Variants in PCDHB15 observed in about 807,000 individuals in gnomAD.
PCDHB15 encodes protocadherin beta-15.
For missense variants in PCDHB15, 1,032 were observed against 991.7 expected (o/e 1.04, Z -0.55); for synonymous variants, 492 against 447.9 (o/e 1.10, Z -1.24).
In PCDHB15 at chr5:141,248,239, C is replaced by T. The variant is rs955317975; in HGVS notation, c.*297C>T. Reference sequence around the variant, plus strand: ...AACATAACTCTAATTCTGAAATTACCTTTCACACTATATGACACTACATAA... The same window carrying T: ...AACATAACTCTAATTCTGAAATTACTTTTCACACTATATGACACTACATAA... On this transcript the variant is annotated 3_prime_UTR_variant, in exon 1 of 1. Transcript: ENST00000231173. The T allele has an allele frequency of 5.4e-5, 12 of 220,272 alleles. No homozygotes were observed. The highest frequency in any genetic ancestry group is 1.1e-4 in the Non-Finnish European group (11 of 103,494). 13.6% of individuals were successfully genotyped at this position (220,272 alleles called of 1,614,324 possible). A position where few individuals can be genotyped will look rare whatever the true frequency, so the allele number is the denominator to read the frequency against.
At position 141,247,983 on chromosome 5, in the gene PCDHB15, C is replaced by G. The variant is rs1416650172; in HGVS notation, c.*41C>G. 6.6e-7 allele frequency: 1 copy of G among 1,519,092 alleles called. No individual in the cohort carries two copies. The highest frequency in any genetic ancestry group is 1.4e-5 in the African/African-American group (1 of 71,628). 94.1% of individuals were successfully genotyped at this position (1,519,092 alleles called of 1,614,324 possible). ...CTTTCCGACCGTCTGTTAATTTTGT[C>G]TTCCTCACTTTTCACCTTAGTTTTT... On this transcript the variant is annotated 3_prime_UTR_variant, in exon 1 of 1. Coordinates refer to ENST00000231173, the MANE Select transcript of PCDHB15 (RefSeq NM_018935.4).
Position 141,247,896 on chromosome 5 carries a change from A to C in PCDHB15, c.2318A>C (p.Asn773Thr). 1.2e-6 allele frequency: 2 copies of C among 1,613,892 alleles called. No individual in the cohort carries two copies. The highest frequency in any genetic ancestry group is 1.7e-6 in the Non-Finnish European group (2 of 1,179,854). The change falls in exon 1 of 1, where the codon AAT becomes ACT. Residue 773 changes from asparagine to threonine, a missense_variant. Transcript: ENST00000231173. ...DFKFLKPIFPNIVSQDSRRKS... is the reference protein window; with the variant it reads ...DFKFLKPIFPTIVSQDSRRKS... ...AAGTTCTTGAAGCCTATATTCCCAA[A>C]TATTGTAAGCCAGGACTCTAGGAGG...
Position 141,247,718 on chromosome 5 carries a change from T to C in PCDHB15, c.2140T>C (p.Cys714Arg), listed in dbSNP as rs782704686. Residue 714 changes from cysteine to arginine, a missense_variant, in exon 1 of 1, where the codon TGC (cysteine) becomes CGC (arginine). Transcript: ENST00000231173. ...SVFLFVAVRL[C>R]RRSRAASVGR... ...GTTCCTGTTCGTGGCAGTGCGGCTGTGCAGGAGGAGCAGGGCGGCCTCAGT... is the reference window on the plus strand; with the variant it reads ...GTTCCTGTTCGTGGCAGTGCGGCTGCGCAGGAGGAGCAGGGCGGCCTCAGT... 1 of 1,613,472 alleles carries C rather than the reference T, an allele frequency of 6.2e-7. No homozygotes were observed. Among genetic ancestry groups the C allele is most frequent in the Admixed American group, 1.7e-5 (1 of 60,022 alleles).
Position 141,247,172 on chromosome 5 carries a change from G to C in PCDHB15, c.1594G>C (p.Gly532Arg). The C allele has an allele frequency of 6.2e-7, 1 of 1,613,384 alleles. No individual in the cohort carries two copies. The highest frequency in any genetic ancestry group is 8.5e-7 in the Non-Finnish European group (1 of 1,179,826). Residue 532 changes from glycine to arginine, a missense_variant, in exon 1 of 1, where the codon GGC becomes CGC. By Grantham distance (125) the Gly-to-Arg change is moderately radical (BLOSUM62 -2). Transcript: ENST00000231173. Reference protein sequence around the residue: ...EALQAFEFRVGATDRGFPALS... With the variant: ...EALQAFEFRVRATDRGFPALS... ...CCTGCAGGCTTTCGAGTTCCGCGTG[G>C]GCGCCACAGACCGCGGCTTCCCGGC...
chr5:141,246,211 C>A lies in PCDHB15; in HGVS notation c.633C>A (p.Thr211=). The A allele has an allele frequency of 6.2e-7, 1 of 1,614,224 alleles. No individual in the cohort carries two copies. Among genetic ancestry groups the A allele is most frequent in the Middle Eastern group, 1.6e-4 (1 of 6,062 alleles). Reference sequence around the variant, plus strand: ...AGGAGCAGGCCGAGCTCAGATTAACCTTGACAGCGGTGGACGGTGGCTCTC... The same window carrying A: ...AGGAGCAGGCCGAGCTCAGATTAACATTGACAGCGGTGGACGGTGGCTCTC... ...DREEQAELRL[T]LTAVDGGSPP... The change falls in exon 1 of 1, where the codon ACC becomes ACA. Residue 211 remains threonine (T), a synonymous_variant. Transcript: ENST00000231173.
Position 141,247,108 on chromosome 5 carries a change from C to G in PCDHB15, c.1530C>G (p.Asn510Lys). ...LTSLVSINTDNGHLFALQSLD... is the reference protein window; with the variant it reads ...LTSLVSINTDKGHLFALQSLD... ...CCCTGGTCTCCATTAACACGGACAACGGCCACCTGTTCGCTCTCCAGTCGC... is the reference window on the plus strand; with the variant it reads ...CCCTGGTCTCCATTAACACGGACAAGGGCCACCTGTTCGCTCTCCAGTCGC... The change falls in exon 1 of 1, where the codon AAC (asparagine) becomes AAG (lysine). Residue 510 changes from asparagine (N) to lysine (K), a missense_variant. Coordinates refer to ENST00000231173, the MANE Select transcript of PCDHB15 (RefSeq NM_018935.4). 6.2e-7 allele frequency: 1 copy of G among 1,614,026 alleles called. No homozygotes were observed. The highest frequency in any genetic ancestry group is 8.5e-7 in the Non-Finnish European group (1 of 1,179,970).
chr5:141,245,796 A>G lies in PCDHB15; in HGVS notation c.218A>G (p.Gln73Arg). 2.5e-6 allele frequency: 4 copies of G among 1,614,226 alleles called. No individual in the cohort carries two copies. Among genetic ancestry groups the G allele is most frequent in the Non-Finnish European group, 3.4e-6 (4 of 1,180,050 alleles). Reference sequence around the variant, plus strand: ...CGGGTAGTTTCTGAGGATAACGAACAAGGCTTGCAGCTTGATCTGCAGACC... The same window carrying G: ...CGGGTAGTTTCTGAGGATAACGAACGAGGCTTGCAGCTTGATCTGCAGACC... Reference protein sequence around the residue: ...GARVVSEDNEQGLQLDLQTGQ... With the variant: ...GARVVSEDNERGLQLDLQTGQ... Residue 73 changes from glutamine (Q) to arginine (R), a missense_variant, in exon 1 of 1, where the codon CAA becomes CGA. By Grantham distance (43) the Gln-to-Arg change is conservative. Coordinates refer to ENST00000231173, the MANE Select transcript of PCDHB15 (RefSeq NM_018935.4).
chr5:141,247,790 G>T lies in PCDHB15; in HGVS notation c.2212G>T (p.Asp738Tyr). 2 of 1,614,234 alleles carry T rather than the reference G, an allele frequency of 1.2e-6. No homozygotes were observed. Among genetic ancestry groups the T allele is most frequent in the Non-Finnish European group, 1.7e-6 (2 of 1,180,046 alleles). Residue 738 changes from aspartate to tyrosine, a missense_variant, in exon 1 of 1, where the codon GAC becomes TAC. Physicochemically the swap from Asp to Tyr is radical, Grantham distance 160 (BLOSUM62 -3). Transcript: ENST00000231173. ...PEGPFPGHLV[D>Y]VSGTGTLSQS... ...GGGCCCCTTTCCAGGGCATCTGGTGGACGTGAGCGGCACCGGGACCCTTTC... is the reference window on the plus strand; with the variant it reads ...GGGCCCCTTTCCAGGGCATCTGGTGTACGTGAGCGGCACCGGGACCCTTTC...
In PCDHB15 at chr5:141,246,086, T is replaced by G; in HGVS notation, c.508T>G (p.Tyr170Asp). The change falls in exon 1 of 1, where the codon TAC (tyrosine) becomes GAC (aspartate). Residue 170 changes from tyrosine (Y) to aspartate (D), a missense_variant. Transcript: ENST00000231173. ...CGTGGGCAGCAATAATGTTCAAAAC[T>G]ACAATATTTCTCCCAATTCTCATTT... Reference protein sequence around the residue: ...LDVGSNNVQNYNISPNSHFHV... With the variant: ...LDVGSNNVQNDNISPNSHFHV... 2 of 1,614,112 alleles carry G rather than the reference T, an allele frequency of 1.2e-6. No homozygotes were observed. Among genetic ancestry groups the G allele is most frequent in the Middle Eastern group, 1.7e-4 (1 of 6,060 alleles).
Position 141,247,360 on chromosome 5 carries a change from C to T in PCDHB15, c.1782C>T (p.Gly594=), listed in dbSNP as rs113508999. ...TGACCAAGGTGGTGGCGGTGGACGGCGACTCGGGCCAGAACGCCTGGCTGT... is the reference window on the plus strand; with the variant it reads ...TGACCAAGGTGGTGGCGGTGGACGGTGACTCGGGCCAGAACGCCTGGCTGT... ...YLVTKVVAVD[G]DSGQNAWLSY... Residue 594 remains glycine (G), a synonymous_variant, in exon 1 of 1, where the codon GGC becomes GGT. Coordinates refer to ENST00000231173, the MANE Select transcript of PCDHB15 (RefSeq NM_018935.4). 65 of 1,605,224 alleles carry T rather than the reference C, an allele frequency of 4.0e-5. No individual in the cohort carries two copies. The highest frequency in any genetic ancestry group is 1.7e-4 in the African/African-American group (13 of 74,894).
rs887168801 is a variant in PCDHB15 at position 141,246,444 on chromosome 5, A to C, written c.866A>C (p.Asp289Ala). Residue 289 changes from aspartate to alanine, a missense_variant, in exon 1 of 1, where the codon GAC (aspartate) becomes GCC (alanine). Physicochemically the swap from Asp to Ala is moderately radical, Grantham distance 126. Transcript: ENST00000231173. The part of the protein sequence containing the change: ...YSLYYSSQEI[D>A]KPFELSSLSG... Reference sequence around the variant, plus strand: ...CTTTATTACAGCTCTCAGGAGATAGACAAACCTTTTGAGCTAAGCAGCCTT... The same window carrying C: ...CTTTATTACAGCTCTCAGGAGATAGCCAAACCTTTTGAGCTAAGCAGCCTT... 8.1e-6 allele frequency: 13 copies of C among 1,614,202 alleles called. No individual in the cohort carries two copies. The highest frequency in any genetic ancestry group is 1.0e-5 in the Non-Finnish European group (12 of 1,180,032).
rs782439260 is a variant in PCDHB15, at chr5:141,247,876, C to G, written c.2298C>G (p.Phe766Leu). ...TGGSESNDFK[F>L]LKPIFPNIVS... ...GCTCTGAAAGTAATGATTTCAAGTT[C>G]TTGAAGCCTATATTCCCAAATATTG... The change falls in exon 1 of 1, where the codon TTC (phenylalanine) becomes TTG (leucine). Residue 766 changes from phenylalanine (F) to leucine (L), a missense_variant. Coordinates refer to ENST00000231173, the MANE Select transcript of PCDHB15 (RefSeq NM_018935.4). 1 of 1,614,074 alleles carries G rather than the reference C, an allele frequency of 6.2e-7. No homozygotes were observed.
chr5:141,248,111 A>G lies in PCDHB15; in HGVS notation c.*169A>G. 1 of 531,420 alleles carries G rather than the reference A, an allele frequency of 1.9e-6. No homozygotes were observed. The highest frequency in any genetic ancestry group is 3.1e-6 in the Non-Finnish European group (1 of 321,242). 32.9% of individuals were successfully genotyped at this position (531,420 alleles called of 1,614,324 possible). A position where few individuals can be genotyped will look rare whatever the true frequency, so the allele number is the denominator to read the frequency against. ...TTGTCTGATTGTTAGTTTTCAAATT[A>G]TTGTATTATTATAAATATTTTATAT... is the stretch of plus-strand genomic sequence containing the variant. On this transcript the variant is annotated 3_prime_UTR_variant, in exon 1 of 1. Coordinates refer to ENST00000231173, the MANE Select transcript of PCDHB15 (RefSeq NM_018935.4).
chr5:141,246,773 A>T lies in PCDHB15; in HGVS notation c.1195A>T (p.Asn399Tyr). 2 of 1,614,100 alleles carry T rather than the reference A, an allele frequency of 1.2e-6. No homozygotes were observed. Among genetic ancestry groups the T allele is most frequent in the South Asian group, 2.2e-5 (2 of 91,076 alleles). Residue 399 changes from asparagine to tyrosine, a missense_variant, in exon 1 of 1, where the codon AAT (asparagine) becomes TAT (tyrosine). Physicochemically the swap from Asn to Tyr is moderately radical, Grantham distance 143. Coordinates refer to ENST00000231173, the MANE Select transcript of PCDHB15 (RefSeq NM_018935.4). ...TTTTAAGCTAAAACCTTCTGTTGAG[A>T]ATTTCTACAGGCTGGTAACAGAAGG... ...VPFKLKPSVENFYRLVTEGAL... is the reference protein window; with the variant it reads ...VPFKLKPSVEYFYRLVTEGAL...
Position 141,247,031 on chromosome 5 carries a change from C to T in PCDHB15, c.1453C>T (p.Gln485Ter). The stretch of plus-strand genomic sequence containing the variant: ...AGACAGAGACTCGGGCACCAACGCC[C>T]AGGTCACCTACTCGCTGCTGCCGCC... ...ATDRDSGTNA[Q>*]VTYSLLPPRD... The change falls in exon 1 of 1, where the codon CAG becomes TAG. Residue 485 changes from glutamine to a stop codon, truncating the protein, a stop_gained. Transcript: ENST00000231173. LOFTEE classifies it low-confidence loss of function (END_TRUNC). 3 of 1,613,684 alleles carry T rather than the reference C, an allele frequency of 1.9e-6. No homozygotes were observed. The highest frequency in any genetic ancestry group is 2.5e-6 in the Non-Finnish European group (3 of 1,180,042).
rs1554292336 is a variant in PCDHB15, at chr5:141,247,809, C to T, written c.2231C>T (p.Thr744Ile). Residue 744 changes from threonine to isoleucine, a missense_variant, in exon 1 of 1, where the codon ACC becomes ATC. Coordinates refer to ENST00000231173, the MANE Select transcript of PCDHB15 (RefSeq NM_018935.4). ...CTGGTGGACGTGAGCGGCACCGGGACCCTTTCCCAGAGCTACCAGTACGAG... is the reference window on the plus strand; with the variant it reads ...CTGGTGGACGTGAGCGGCACCGGGATCCTTTCCCAGAGCTACCAGTACGAG... ...GHLVDVSGTG[T>I]LSQSYQYEVC... 1 of 1,614,206 alleles carries T rather than the reference C, an allele frequency of 6.2e-7. No homozygotes were observed. Among genetic ancestry groups the T allele is most frequent in the Admixed American group, 1.7e-5 (1 of 60,034 alleles).
rs201079466 is a variant in PCDHB15, at chr5:141,247,829, T to G, written c.2251T>G (p.Tyr751Asp). 3 of 1,614,218 alleles carry G rather than the reference T, an allele frequency of 1.9e-6. No individual in the cohort carries two copies. Among genetic ancestry groups the G allele is most frequent in the Middle Eastern group, 1.6e-4 (1 of 6,062 alleles). The change falls in exon 1 of 1, where the codon TAC (tyrosine) becomes GAC (aspartate). Residue 751 changes from tyrosine to aspartate, a missense_variant. Transcript: ENST00000231173. ...GTGTLSQSYQ[Y>D]EVCLTGGSES... ...CGGGACCCTTTCCCAGAGCTACCAG[T>G]ACGAGGTGTGTCTGACGGGAGGCTC...
At position 141,246,779 on chromosome 5, in the gene PCDHB15, T is replaced by C; in HGVS notation, c.1201T>C (p.Tyr401His). 1 of 1,614,192 alleles carries C rather than the reference T, an allele frequency of 6.2e-7. No individual in the cohort carries two copies. Residue 401 changes from tyrosine (Y) to histidine (H), a missense_variant, in exon 1 of 1, where the codon TAC (tyrosine) becomes CAC (histidine). Coordinates refer to ENST00000231173, the MANE Select transcript of PCDHB15 (RefSeq NM_018935.4). ...FKLKPSVENF[Y>H]RLVTEGALDR... ...GCTAAAACCTTCTGTTGAGAATTTC[T>C]ACAGGCTGGTAACAGAAGGGGCGCT...
rs1554292410 is a variant in PCDHB15, at chr5:141,248,158, A to T, written c.*216A>T. 1 of 398,006 alleles carries T rather than the reference A, an allele frequency of 2.5e-6. No homozygotes were observed. Among genetic ancestry groups the T allele is most frequent in the Admixed American group, 4.2e-5 (1 of 23,750 alleles). 24.7% of individuals were successfully genotyped at this position (398,006 alleles called of 1,614,324 possible). On this transcript the variant is annotated 3_prime_UTR_variant, in exon 1 of 1. Coordinates refer to ENST00000231173, the MANE Select transcript of PCDHB15 (RefSeq NM_018935.4). ...ATATCAGGAAAGTTCATATTTCTGAATAAATTAATAGTATTCATTCCTGAA... is the reference window on the plus strand; with the variant it reads ...ATATCAGGAAAGTTCATATTTCTGATTAAATTAATAGTATTCATTCCTGAA...
Sources: gnomAD v4.1 joint callset for allele counts on GRCh38, gnomAD v4.1.1 for gene constraint, MANE v1.5 for transcripts, NCBI Gene and HGNC (gene_info 2026-07-23, HGNC 2026-07-21) for gene names.